The following ASTN1 variants were observed in gnomAD, a reference collection of about 807,000 sequenced individuals.
ASTN1 encodes astrotactin-1.
A neutral mutation model predicts 140.7 loss-of-function variants in ASTN1; 41 were observed. That is an observed-to-expected ratio of 0.29 (90% CI 0.23 to 0.38). ASTN1 has a LOEUF of 0.38. Among genes scored for constraint, ASTN1 ranks in the 10% least tolerant of loss-of-function variants. The pLI is 1.00. For synonymous variants in ASTN1, 640 were observed against 652.2 expected (o/e 0.98, Z 0.29); for missense variants, 1,479 against 1,678.8 (o/e 0.88, Z 2.08).
chr1:177,005,811 G>A (rs1674967563), intron 8 of ASTN1, among the ~76,000 whole-genome samples: 1 of 152,158 alleles, frequency 6.6e-6, no homozygotes, highest in South Asian at 2.1e-4. Flanking sequence ...GTTTCACCAT[G>A]TTGACCAGGC....
chr1:176,871,198 G>A (rs1435863567), intron 21 of ASTN1, among the ~76,000 whole-genome samples: 1 of 152,118 alleles, frequency 6.6e-6, no homozygotes, highest in Non-Finnish European at 1.5e-5. Flanking sequence ...GCTGTGCAGG[G>A]GGTCTGTCAT....
intron 15 of ASTN1, among the ~76,000 whole-genome samples, chr1:176,935,690 A>C (rs1671411830): frequency 6.6e-6 from 1 of 152,128 alleles, no homozygotes; most frequent in Non-Finnish European, 1.5e-5. Context: ...ACCCTAAGTA[A>C]GTTTAGAACT....
At chr1:177,032,949 G>GCATT (rs1676524352) in intron 2 of ASTN1, 100 bp from the exon 3 acceptor site, 1 of 1,327,590 alleles carries the variant, frequency 7.5e-7, no homozygotes, top group Non-Finnish European at 1.0e-6. Context: ...ACTTATTTAT[G>GCATT]CATTCATTCA....
chr1:177,107,733 C>T (rs1262246613), intron 1 of ASTN1, among the ~76,000 whole-genome samples: 1 of 152,204 alleles, frequency 6.6e-6, no homozygotes. Flanking sequence ...GAGCACCTTG[C>T]TGTTATCAGC....
At chr1:177,030,167 T>C (rs1461011997) in intron 4 of ASTN1, among the ~76,000 whole-genome samples, 1 of 152,224 alleles carries the variant, frequency 6.6e-6, no homozygotes, top group Admixed American at 6.5e-5. Context: ...AAAGACAGAA[T>C]AGAATAAAGG....
At chr1:176,921,940 T>C (rs1356051202) in intron 16 of ASTN1, among the ~76,000 whole-genome samples, 1 of 152,116 alleles carries the variant, frequency 6.6e-6, no homozygotes, top group African/African-American at 2.4e-5. Flanking sequence ...AGAAAAAATA[T>C]GACATTCACT....
chr1:177,057,674 A>G (rs1168256725), intron 2 of ASTN1, among the ~76,000 whole-genome samples: 1 of 152,190 alleles, frequency 6.6e-6, no homozygotes, highest in Non-Finnish European at 1.5e-5. Flanking sequence ...CAATTATGCT[A>G]TTTTGATCTA....
At chr1:177,110,620 A>G (rs1023959895) in intron 1 of ASTN1, among the ~76,000 whole-genome samples, 1 of 152,228 alleles carries the variant, frequency 6.6e-6, no homozygotes, top group African/African-American at 2.4e-5. Flanking sequence ...GGGCCGTTTC[A>G]GCTGAATGTA....
At chr1:176,885,606 C>G (rs566169474) in intron 18 of ASTN1, among the ~76,000 whole-genome samples, 1 of 152,216 alleles carries the variant, frequency 6.6e-6, no homozygotes, top group African/African-American at 2.4e-5. Flanking sequence ...CTTTTCTCTG[C>G]TTGGCTCACA....
Position 177,137,750 on chromosome 1 carries a change from T to A in ASTN1, c.283+26644A>T, listed in dbSNP as rs532469596. ...GATAGCTGTCCAGCCAAACTGAACC[T>A]GGGTCTCCTGCCTCTTAGCCTAAAA... On this transcript the variant is annotated intron_variant, in intron 1 of 22. Transcript: ENST00000361833. Among the ~76,000 whole-genome samples, 3 of 152,330 alleles carry A rather than the reference T, an allele frequency of 2.0e-5. No homozygotes were observed. The East Asian group carries it at 5.8e-4, about 29-fold the overall frequency.
At chr1:176,895,415 G>A (rs1669463568) in intron 16 of ASTN1, among the ~76,000 whole-genome samples, 1 of 152,204 alleles carries the variant, frequency 6.6e-6, no homozygotes, top group Non-Finnish European at 1.5e-5. Context: ...TTATAGATGA[G>A]GAAAATGAGG....
chr1:177,035,368 T>A (rs1676662452), intron 2 of ASTN1, among the ~76,000 whole-genome samples: 1 of 152,142 alleles, frequency 6.6e-6, no homozygotes, highest in Non-Finnish European at 1.5e-5. Context: ...GATGAATACA[T>A]CCAGACCCAT....
At chr1:176,911,401 T>C (rs1020814513) in intron 16 of ASTN1, among the ~76,000 whole-genome samples, 2 of 152,212 alleles carry the variant, frequency 1.3e-5, no homozygotes, top group Non-Finnish European at 2.9e-5. Context: ...TTTTACTTCA[T>C]AAACTTTTTA....
At chr1:176,928,999 C>A (rs994904778) in intron 16 of ASTN1, among the ~76,000 whole-genome samples, 2 of 152,136 alleles carry the variant, frequency 1.3e-5, no homozygotes, top group Non-Finnish European at 2.9e-5. Context: ...GAGAGCAAAT[C>A]TCTGACCTTG....
At chr1:177,028,293 A>G (rs1302447948) in intron 5 of ASTN1, among the ~76,000 whole-genome samples, 1 of 152,184 alleles carries the variant, frequency 6.6e-6, no homozygotes, top group East Asian at 1.9e-4. Flanking sequence ...ACTGTCTAAA[A>G]TTTGTAATAA....
intron 11 of ASTN1, among the ~76,000 whole-genome samples, chr1:176,952,546 C>A (rs968163920): frequency 2.0e-5 from 3 of 151,988 alleles, no homozygotes; most frequent in African/African-American, 7.2e-5. Context: ...TTTGGGAACC[C>A]GAACACACAT....
chr1:177,158,769 T>G (rs1344585238), intron 1 of ASTN1, among the ~76,000 whole-genome samples: 1 of 150,914 alleles, frequency 6.6e-6, no homozygotes, highest in Admixed American at 6.6e-5. Flanking sequence ...ATAAAGAAAC[T>G]AAAATTGGCT....
At chr1:177,025,734 T>C (rs1441234719) in intron 5 of ASTN1, among the ~76,000 whole-genome samples, 2 of 152,224 alleles carry the variant, frequency 1.3e-5, no homozygotes, top group African/African-American at 4.8e-5. Flanking sequence ...CCTATGAGTC[T>C]GTATGGGAAC....
At chr1:176,885,132 C>T (rs1668980904) in intron 18 of ASTN1, among the ~76,000 whole-genome samples, 1 of 152,204 alleles carries the variant, frequency 6.6e-6, no homozygotes, top group African/African-American at 2.4e-5. Flanking sequence ...ATGTCAAGTT[C>T]TCCTTGGAGT....
Sources: allele counts gnomAD v4.1 joint callset (sites outside exome capture counted in the v4.1 genomes callset), GRCh38; gene constraint gnomAD v4.1.1; transcripts MANE v1.5; gene names NCBI Gene and HGNC (gene_info 2026-07-23, HGNC 2026-07-21).